Variants in UBR3 observed in about 807,000 individuals in gnomAD.
UBR3 encodes ubiquitin protein ligase E3 component n-recognin 3.
In UBR3, 85 loss-of-function variants were observed where a neutral mutation model predicts 243.2. The ratio of observed to expected loss-of-function variants is 0.35; its 90% CI spans 0.29 to 0.42. UBR3 has a LOEUF of 0.42. Ranked by LOEUF, UBR3 falls within the 10% of genes least tolerant of loss-of-function variation. The pLI is 1.00. For missense variants in UBR3, 1,686 were observed against 2,300.8 expected (o/e 0.73, Z 5.47); for synonymous variants, 748 against 799.8 (o/e 0.94, Z 1.09).
At chr2:169,972,198 C>T (rs902822607) in intron 24 of UBR3, among the ~76,000 whole-genome samples, 1 of 152,192 alleles carries the variant, frequency 6.6e-6, no homozygotes, top group African/African-American at 2.4e-5. Flanking sequence ...CATACACTCT[C>T]CCAAGACTAA....
intron 36 of UBR3, chr2:170,078,004 T>A: frequency 1.5e-6 from 1 of 668,944 alleles, no homozygotes; most frequent in East Asian, 3.0e-5. Flanking sequence ...GGGAAGTACG[T>A]TAGCTTGAGG....
chr2:169,839,630 C>G (rs543847971), intron 1 of UBR3, among the ~76,000 whole-genome samples: 3 of 152,198 alleles, frequency 2.0e-5, no homozygotes, highest in African/African-American at 7.2e-5. Context: ...ATTACATGTA[C>G]TCAGAAACTA....
At chr2:170,053,044 G>T (rs1456633342) in intron 32 of UBR3, among the ~76,000 whole-genome samples, 2 of 152,158 alleles carry the variant, frequency 1.3e-5, no homozygotes, top group African/African-American at 2.4e-5. Flanking sequence ...AAAGTAGATT[G>T]CAGGGGGCTG....
chr2:170,066,340 C>G (rs1368288818), intron 35 of UBR3, among the ~76,000 whole-genome samples: 3 of 152,134 alleles, frequency 2.0e-5, no homozygotes, highest in Admixed American at 1.3e-4. Flanking sequence ...CTTATCTTTT[C>G]TCTCTTCTTA....
intron 1 of UBR3, among the ~76,000 whole-genome samples, chr2:169,829,875 G>T (rs1178749830): frequency 1.3e-5 from 2 of 150,482 alleles, no homozygotes; most frequent in East Asian, 3.9e-4. Flanking sequence ...CTCACATCTA[G>T]TCTTCTATCT....
chr2:170,009,484 G>C (rs2090021106), intron 29 of UBR3, among the ~76,000 whole-genome samples: 1 of 152,106 alleles, frequency 6.6e-6, no homozygotes, highest in Non-Finnish European at 1.5e-5. Context: ...TGTTAGAAGT[G>C]AATGTTTCTC....
At chr2:169,969,513 T>A (rs1184252038) in intron 24 of UBR3, among the ~76,000 whole-genome samples, 2 of 151,998 alleles carry the variant, frequency 1.3e-5, no homozygotes, top group African/African-American at 4.8e-5. Flanking sequence ...ATATGTGTAT[T>A]TATTTCTGTG....
At chr2:169,993,604 T>G (rs184438664) in intron 25 of UBR3, among the ~76,000 whole-genome samples, 3 of 152,296 alleles carry the variant, frequency 2.0e-5, no homozygotes, top group African/African-American at 7.2e-5. Context: ...ACAGGTGATG[T>G]TCCTTCCAAC....
At chr2:169,990,103 C>T (rs2089205295) in intron 25 of UBR3, among the ~76,000 whole-genome samples, 1 of 152,100 alleles carries the variant, frequency 6.6e-6, no homozygotes, top group Non-Finnish European at 1.5e-5. Flanking sequence ...TTTTAGTGTT[C>T]ACTGATACTT....
chr2:169,931,098 T>C (rs1350869975), intron 18 of UBR3, among the ~76,000 whole-genome samples: 2 of 152,170 alleles, frequency 1.3e-5, no homozygotes, highest in Non-Finnish European at 2.9e-5. Context: ...ACGCCTGTAA[T>C]CCCAGCACTT....
At chr2:170,048,147 G>T (rs1316739949) in intron 32 of UBR3, among the ~76,000 whole-genome samples, 2 of 152,136 alleles carry the variant, frequency 1.3e-5, no homozygotes, top group Non-Finnish European at 2.9e-5. Flanking sequence ...AGGTGTGAAC[G>T]ATATTCTTTA....
intron 6 of UBR3, among the ~76,000 whole-genome samples, chr2:169,892,367 A>G (rs1364545422): frequency 6.6e-6 from 1 of 152,178 alleles, no homozygotes; most frequent in Non-Finnish European, 1.5e-5. Context: ...GTTGAGTTTA[A>G]GCTTTAGGGG....
At chr2:169,988,498 A>G (rs558787630) in intron 25 of UBR3, among the ~76,000 whole-genome samples, 1 of 152,304 alleles carries the variant, frequency 6.6e-6, no homozygotes, top group East Asian at 1.9e-4. Flanking sequence ...TAGAGATAGA[A>G]GGAAAAAAAT....
chr2:169,997,651 C>CAAG (rs2089546034), intron 26 of UBR3, among the ~76,000 whole-genome samples: 1 of 151,996 alleles, frequency 6.6e-6, no homozygotes, highest in Admixed American at 6.6e-5. Flanking sequence ...GTCCCACAAC[C>CAAG]AAGAAGAATG....
chr2:169,851,387 C>T (rs1483687805), intron 1 of UBR3, among the ~76,000 whole-genome samples: 1 of 152,174 alleles, frequency 6.6e-6, no homozygotes, highest in African/African-American at 2.4e-5. Flanking sequence ...CCTCAACCTC[C>T]CAAAGCATTG....
intron 1 of UBR3, among the ~76,000 whole-genome samples, chr2:169,847,484 C>T (rs546423026): frequency 1.3e-5 from 2 of 152,132 alleles, no homozygotes; most frequent in African/African-American, 4.8e-5. Context: ...TTAAATTTCC[C>T]TCTAAGCCTT....
intron 23 of UBR3, 115 bp from the exon 24 acceptor site, chr2:169,958,323 A>G: frequency 1.3e-6 from 1 of 764,700 alleles, no homozygotes; most frequent in Non-Finnish European, 2.1e-6. Flanking sequence ...AATACAGAAA[A>G]TAGATTGTTC....
At chr2:169,904,481 G>C (rs760113816) in intron 8 of UBR3, among the ~76,000 whole-genome samples, 67 of 151,994 alleles carry the variant, frequency 4.4e-4, no homozygotes, top group Admixed American at 7.9e-4. Flanking sequence ...TAATGATAAA[G>C]ATTTCGTACA....
chr2:169,963,893 T>A (rs2087692367), intron 24 of UBR3, among the ~76,000 whole-genome samples: 2 of 152,186 alleles, frequency 1.3e-5, no homozygotes, highest in South Asian at 4.1e-4. Flanking sequence ...GTTAACATTG[T>A]TCTGTATTTG....
Sources: allele counts gnomAD v4.1 joint callset (sites outside exome capture counted in the v4.1 genomes callset), GRCh38; gene constraint gnomAD v4.1.1; transcripts MANE v1.5; gene names NCBI Gene and HGNC (gene_info 2026-07-23, HGNC 2026-07-21).